SH3KBP1: variants seen among roughly 807,000 people sequenced by gnomAD.
The protein encoded by SH3KBP1 is SH3 domain containing kinase binding protein 1.
A neutral mutation model predicts 50.1 loss-of-function variants in SH3KBP1; 8 were observed. The ratio of observed to expected loss-of-function variants is 0.16; its 90% CI spans 0.09 to 0.29. SH3KBP1 has a LOEUF of 0.29. Among genes scored for constraint, SH3KBP1 ranks in the 10% least tolerant of loss-of-function variants. The pLI is 1.00. For synonymous variants in SH3KBP1, 227 were observed against 218.6 expected (o/e 1.04, Z -0.34); for missense variants, 377 against 535.2 (o/e 0.70, Z 2.92).
intron 1 of SH3KBP1, among the ~76,000 whole-genome samples, chrX:19,876,556 C>T (rs987637998): frequency 1.8e-5 from 2 of 110,756 alleles, no homozygotes; most frequent in Admixed American, 9.6e-5. Context: ...TGCACATCTC[C>T]GGGGGGGAGA....
intron 3 of SH3KBP1, among the ~76,000 whole-genome samples, chrX:19,715,958 T>C (rs959402004): frequency 9.0e-6 from 1 of 111,686 alleles, no homozygotes; most frequent in Non-Finnish European, 1.9e-5. Context: ...AACTCCCCAG[T>C]TACTGAGCAG....
At chrX:19,581,958 A>G (rs1356618701) in intron 12 of SH3KBP1, among the ~76,000 whole-genome samples, 1 of 110,340 alleles carries the variant, frequency 9.1e-6, no homozygotes, top group Non-Finnish European at 1.9e-5. Context: ...AGAAGTCCAC[A>G]TGGTATGTTT....
At chrX:19,585,584 A>T (rs1007627835) in intron 12 of SH3KBP1, among the ~76,000 whole-genome samples, 7 of 111,521 alleles carry the variant, frequency 6.3e-5, no homozygotes, top group African/African-American at 2.3e-4. Flanking sequence ...AATCTGAAGC[A>T]CGAGCAGGCG....
intron 7 of SH3KBP1, among the ~76,000 whole-genome samples, chrX:19,636,192 G>A (rs773955342): frequency 5.6e-4 from 62 of 111,271 alleles, no homozygotes; most frequent in Non-Finnish European, 9.1e-4. Context: ...CCAGCAATTT[G>A]AGATGATTTT....
At chrX:19,663,116 A>T (rs2062503456) in intron 6 of SH3KBP1, among the ~76,000 whole-genome samples, 1 of 111,243 alleles carries the variant, frequency 9.0e-6, no homozygotes, top group African/African-American at 3.3e-5. Context: ...TTCATTATTC[A>T]TTTTGCATGT....
intron 6 of SH3KBP1, among the ~76,000 whole-genome samples, chrX:19,674,541 A>G (rs1038982356): frequency 4.5e-5 from 5 of 112,346 alleles, no homozygotes; most frequent in Non-Finnish European, 9.4e-5. Flanking sequence ...GATCCCAACC[A>G]GAATTGGATT....
intron 3 of SH3KBP1, among the ~76,000 whole-genome samples, chrX:19,716,615 C>T (rs1484097696): frequency 1.8e-5 from 2 of 111,516 alleles, no homozygotes. Flanking sequence ...CAGATAACAT[C>T]AAAAGTCACA....
chrX:19,842,394 C>A (rs1456298803), intron 1 of SH3KBP1, among the ~76,000 whole-genome samples: 1 of 110,799 alleles, frequency 9.0e-6, no homozygotes, highest in Non-Finnish European at 1.9e-5. Context: ...GGTGTGGTGG[C>A]ACGTGCCTGT....
At chrX:19,783,697 T>C (rs2066255085) in intron 2 of SH3KBP1, among the ~76,000 whole-genome samples, 1 of 111,474 alleles carries the variant, frequency 9.0e-6, no homozygotes, top group South Asian at 3.7e-4. Context: ...GATTAGTGTA[T>C]TCGAAATGTC....
intron 3 of SH3KBP1, among the ~76,000 whole-genome samples, chrX:19,712,983 G>A (rs2063815287): frequency 9.0e-6 from 1 of 111,396 alleles, no homozygotes; most frequent in Non-Finnish European, 1.9e-5. Context: ...CAGCACTTTG[G>A]GAGGCTGAGG....
At chrX:19,593,079 G>A (rs1219331009) in intron 10 of SH3KBP1, among the ~76,000 whole-genome samples, 1 of 112,134 alleles carries the variant, frequency 8.9e-6, no homozygotes, top group African/African-American at 3.2e-5. Flanking sequence ...GTACCACTTA[G>A]CACTTAGCCT....
chrX:19,652,703 T>C (rs189018241), intron 6 of SH3KBP1, among the ~76,000 whole-genome samples: 1 of 112,431 alleles, frequency 8.9e-6, no homozygotes, highest in Non-Finnish European at 1.9e-5. Context: ...CAAACTTACC[T>C]GACTACAGAA....
At chrX:19,598,837 T>C (rs1341897176) in intron 9 of SH3KBP1, among the ~76,000 whole-genome samples, 10 of 111,691 alleles carry the variant, frequency 9.0e-5, no homozygotes, top group Non-Finnish European at 1.9e-4. Flanking sequence ...TGATCACAGA[T>C]TACCCATAAC....
At chrX:19,626,808 A>T (rs943990058) in intron 8 of SH3KBP1, among the ~76,000 whole-genome samples, 1 of 109,723 alleles carries the variant, frequency 9.1e-6, no homozygotes, top group Non-Finnish European at 1.9e-5. Flanking sequence ...GGCTCAAGTG[A>T]TCCTCCCGTC....
intron 8 of SH3KBP1, among the ~76,000 whole-genome samples, chrX:19,614,059 C>G (rs1284937529): frequency 1.8e-5 from 2 of 113,033 alleles, no homozygotes; most frequent in Admixed American, 9.3e-5. Context: ...GACCCAGCGC[C>G]ATCCTCGAGT....
chrX:19,869,658 T>C (rs1260447769), intron 1 of SH3KBP1, among the ~76,000 whole-genome samples: 1 of 112,739 alleles, frequency 8.9e-6, no homozygotes, highest in African/African-American at 3.2e-5. Flanking sequence ...CCAATATATC[T>C]GGGATACCAA....
chrX:19,713,006 C>G (rs1313536935), intron 3 of SH3KBP1, among the ~76,000 whole-genome samples: 3 of 110,554 alleles, frequency 2.7e-5, no homozygotes, highest in Middle Eastern at 4.6e-3. Flanking sequence ...GGAGGATCAC[C>G]TGAGGCCAGG....
intron 6 of SH3KBP1, chrX:19,670,434 G>A (rs975641164): frequency 1.5e-6 from 1 of 669,575 alleles, no homozygotes; most frequent in Non-Finnish European, 1.8e-6. Flanking sequence ...AAGCAAGCTG[G>A]ATTTGTTTAC....
chrX:19,850,663 T>C (rs2068482568), intron 1 of SH3KBP1, among the ~76,000 whole-genome samples: 1 of 111,298 alleles, frequency 9.0e-6, no homozygotes, highest in African/African-American at 3.3e-5. Flanking sequence ...TTATGGTTTT[T>C]AGCAGAGTAA....
Sources: gnomAD v4.1 joint callset for allele counts (sites outside exome capture counted in the v4.1 genomes callset) on GRCh38, gnomAD v4.1.1 for gene constraint, MANE v1.5 for transcripts, NCBI Gene and HGNC (gene_info 2026-07-23, HGNC 2026-07-21) for gene names.